The following PRDM11 variants were observed in gnomAD, a reference collection of about 807,000 sequenced individuals.
PRDM11 encodes the protein PR/SET domain 11, also known as PR domain-containing protein 11.
PRDM11 carries 20 observed loss-of-function variants against 97.8 expected under a neutral mutation model. The observed-to-expected ratio is 0.20, with a 90% confidence interval of 0.14 to 0.30. PRDM11 has a LOEUF of 0.30. Among genes scored for constraint, PRDM11 ranks in the 10% least tolerant of loss-of-function variants. The pLI, the probability that PRDM11 is intolerant of heterozygous loss-of-function variation, is 1.00. For synonymous variants in PRDM11, 599 were observed against 637.7 expected (o/e 0.94, Z 0.91); for missense variants, 1,139 against 1,555.2 (o/e 0.73, Z 4.50).
intron 1 of PRDM11, among the ~76,000 whole-genome samples, chr11:45,172,405 C>T (rs750086794): frequency 2.6e-5 from 4 of 152,240 alleles, no homozygotes; most frequent in Non-Finnish European, 5.9e-5. Context: ...GTGACTCAGC[C>T]TCATCCTGAA....
At chr11:45,127,616 G>T (rs547846085) in intron 1 of PRDM11, among the ~76,000 whole-genome samples, 1 of 152,328 alleles carries the variant, frequency 6.6e-6, no homozygotes, top group South Asian at 2.1e-4. Flanking sequence ...GACCCTGTTT[G>T]CCTGGGTATC....
At chr11:45,138,382 A>G (rs1590370190) in intron 1 of PRDM11, among the ~76,000 whole-genome samples, 1 of 152,272 alleles carries the variant, frequency 6.6e-6, no homozygotes, top group Non-Finnish European at 1.5e-5. Flanking sequence ...CCTGGGGAAC[A>G]TAGTGAGACC....
chr11:45,104,124 A>G (rs964493273), intron 1 of PRDM11, among the ~76,000 whole-genome samples: 2 of 152,244 alleles, frequency 1.3e-5, no homozygotes, highest in Admixed American at 6.5e-5. Context: ...GGCCCAGGGC[A>G]ACAGAGCTGT....
At chr11:45,223,964 C>T (rs965602907) in intron 6 of PRDM11, among the ~76,000 whole-genome samples, 5 of 152,154 alleles carry the variant, frequency 3.3e-5, no homozygotes, top group African/African-American at 1.2e-4. Flanking sequence ...AACTTATAAC[C>T]GTAGAGCTTG....
At chr11:45,186,079 G>A (rs762913450) in intron 4 of PRDM11, among the ~76,000 whole-genome samples, 65 of 152,226 alleles carry the variant, frequency 4.3e-4, no homozygotes, top group Non-Finnish European at 9.1e-4. Flanking sequence ...GAAAGAATGT[G>A]GCCCTGCCAA....
At position 45,181,292 on chromosome 11, in the gene PRDM11, C is replaced by T. The variant is rs540712621; in HGVS notation, c.-6-469C>T. On this transcript the variant is annotated intron_variant, in intron 1 of 7. Coordinates refer to ENST00000683152, the MANE Select transcript of PRDM11 (RefSeq NM_001384648.1). ...CTGAGCTGGCAAAGGGGCCTGGCTG[C>T]GCTCCCGGCAGTCCCAGGGTGAGGG... is the stretch of plus-strand genomic sequence containing the variant. 1.7e-4 allele frequency among the ~76,000 whole-genome samples: 26 copies of T among 152,316 alleles called. No individual in the cohort carries two copies. The South Asian group carries it at 5.4e-3, about 32-fold the overall frequency.
chr11:45,224,406 C>T lies in PRDM11; in HGVS notation c.932C>T (p.Ala311Val). 6.2e-7 allele frequency: 1 copy of T among 1,614,194 alleles called. No individual in the cohort carries two copies. The stretch of plus-strand genomic sequence containing the variant: ...CTGATTTTCAAGGATGTTCTGGAGG[C>T]CTCACTGGAATCTGCGAAGGTGGAA... The part of the protein sequence containing the change: ...IDLIFKDVLE[A>V]SLESAKVEAH... Residue 311 changes from alanine (A) to valine (V), a missense_variant, in exon 7 of 8, where the codon GCC becomes GTC. Physicochemically the swap from Ala to Val is moderately conservative, Grantham distance 64 (BLOSUM62 0). Transcript: ENST00000683152.
intron 4 of PRDM11, 111 bp from the exon 5 acceptor site, chr11:45,204,600 G>C (rs1853440724): frequency 1.1e-6 from 1 of 945,468 alleles, no homozygotes; most frequent in Non-Finnish European, 1.7e-6. Context: ...ATTTCAGGGG[G>C]AGGGGGAGGG....
At chr11:45,200,528 C>T (rs902918019) in intron 4 of PRDM11, among the ~76,000 whole-genome samples, 1 of 152,198 alleles carries the variant, frequency 6.6e-6, no homozygotes, top group African/African-American at 2.4e-5. Context: ...GGCCACTCAG[C>T]TTGTGTGCAG....
At chr11:45,140,915 C>A (rs1248929210) in intron 1 of PRDM11, among the ~76,000 whole-genome samples, 1 of 152,186 alleles carries the variant, frequency 6.6e-6, no homozygotes, top group Non-Finnish European at 1.5e-5. Context: ...TGAACAAGTG[C>A]TGGAGAAACC....
chr11:45,166,261 G>T (rs1254435160), intron 1 of PRDM11, among the ~76,000 whole-genome samples: 3 of 152,188 alleles, frequency 2.0e-5, no homozygotes, highest in Non-Finnish European at 4.4e-5. Flanking sequence ...TGGGCAGGCT[G>T]TTGTATGAGG....
At chr11:45,213,230 C>G (rs1853832053) in intron 5 of PRDM11, 1 of 456,426 alleles carries the variant, frequency 2.2e-6, no homozygotes, top group African/African-American at 2.0e-5. Flanking sequence ...AGACCCGCAC[C>G]CTCATCTTTG....
chr11:45,185,513 G>A (rs1415784566), intron 4 of PRDM11, among the ~76,000 whole-genome samples: 1 of 151,996 alleles, frequency 6.6e-6, no homozygotes, highest in Non-Finnish European at 1.5e-5. Flanking sequence ...GGTCAAGAGA[G>A]TTTGTTCATT....
chr11:45,162,226 C>T (rs958009963), intron 1 of PRDM11, among the ~76,000 whole-genome samples: 3 of 152,104 alleles, frequency 2.0e-5, no homozygotes, highest in Non-Finnish European at 4.4e-5. Context: ...CCTGTCTACC[C>T]GTCTGGGGTG....
chr11:45,169,582 G>T, intron 1 of PRDM11, among the ~76,000 whole-genome samples: 1 of 152,174 alleles, frequency 6.6e-6, no homozygotes, highest in East Asian at 1.9e-4. Context: ...GCAAGTTTTT[G>T]AATTTTTGCA....
At chr11:45,094,174 T>C (rs529593160), upstream of PRDM11, among the ~76,000 whole-genome samples, 1 of 152,352 alleles carries the variant, frequency 6.6e-6, no homozygotes, top group Admixed American at 6.5e-5. Context: ...GTAGCTAGCA[T>C]GCAGTTGCAG....
chr11:45,098,813 G>T (rs1851925172), intron 1 of PRDM11, among the ~76,000 whole-genome samples: 1 of 152,138 alleles, frequency 6.6e-6, no homozygotes, highest in African/African-American at 2.4e-5. Context: ...TATGGGAAAG[G>T]GCCACACAGA....
At chr11:45,098,287 C>T (rs1851918418) in intron 1 of PRDM11, among the ~76,000 whole-genome samples, 1 of 152,228 alleles carries the variant, frequency 6.6e-6, no homozygotes, top group African/African-American at 2.4e-5. Context: ...AGGAAGGACC[C>T]TCTGGCCAAT....
intron 1 of PRDM11, among the ~76,000 whole-genome samples, chr11:45,161,983 A>T (rs1851940130): frequency 6.6e-6 from 1 of 152,206 alleles, no homozygotes; most frequent in African/African-American, 2.4e-5. Flanking sequence ...GTTCTTTTTC[A>T]TGAGGCGACC....
Sources: gnomAD v4.1 joint callset for allele counts (sites outside exome capture counted in the v4.1 genomes callset) on GRCh38, gnomAD v4.1.1 for gene constraint, MANE v1.5 for transcripts, NCBI Gene and HGNC (gene_info 2026-07-23, HGNC 2026-07-21) for gene names.